RIMS2: variants seen among roughly 807,000 people sequenced by gnomAD.
The protein encoded by RIMS2 is regulating synaptic membrane exocytosis 2.
In RIMS2, 59 loss-of-function variants were observed where a neutral mutation model predicts 174.4. That is an observed-to-expected ratio of 0.34 (90% CI 0.27 to 0.42). RIMS2 has a LOEUF of 0.42. RIMS2 is among the 10% of genes least tolerant of loss of function. RIMS2 has a pLI of 1.00. For missense variants in RIMS2, 1,620 were observed against 1,666.3 expected, an observed-to-expected ratio of 0.97 and a Z score of 0.48; for synonymous variants, 606 against 572.5, an observed-to-expected ratio of 1.06 and a Z score of -0.84.
intron 1 of RIMS2, among the ~76,000 whole-genome samples, chr8:103,596,499 A>G (rs1412206713): frequency 6.6e-6 from 1 of 152,066 alleles, no homozygotes; most frequent in Non-Finnish European, 1.5e-5. Flanking sequence ...ATAAATGTAA[A>G]TATCTCAAAT....
At chr8:104,046,904 C>T (rs1811058011) in intron 19 of RIMS2, among the ~76,000 whole-genome samples, 1 of 148,114 alleles carries the variant, frequency 6.8e-6, no homozygotes, top group Non-Finnish European at 1.5e-5. Flanking sequence ...TTTATATAAG[C>T]TTAAGCTTAA....
At chr8:103,938,608 C>T (rs889815272) in intron 13 of RIMS2, among the ~76,000 whole-genome samples, 1 of 152,140 alleles carries the variant, frequency 6.6e-6, no homozygotes, top group African/African-American at 2.4e-5. Context: ...CAAAACCAAT[C>T]ATGCCTTCCC....
chr8:103,539,120 G>A (rs1352648623), intron 1 of RIMS2, among the ~76,000 whole-genome samples: 7 of 152,196 alleles, frequency 4.6e-5, no homozygotes, highest in Non-Finnish European at 1.5e-5. Context: ...GATCACTTGA[G>A]TACAGAAGTT....
At chr8:103,663,170 C>CAA (rs34790575) in intron 1 of RIMS2, among the ~76,000 whole-genome samples, 1 of 139,504 alleles carries the variant, frequency 7.2e-6, no homozygotes. Context: ...GATTCTGTCT[C>CAA]AAAAAAAAAA....
intron 19 of RIMS2, among the ~76,000 whole-genome samples, chr8:104,180,336 G>A (rs1272219011): frequency 1.3e-5 from 2 of 150,598 alleles, no homozygotes; most frequent in African/African-American, 4.9e-5. Flanking sequence ...TCTTGGCCAT[G>A]CTAGTGTAGT....
At chr8:104,163,241 T>G (rs2098774913) in intron 19 of RIMS2, among the ~76,000 whole-genome samples, 1 of 152,270 alleles carries the variant, frequency 6.6e-6, no homozygotes, top group Non-Finnish European at 1.5e-5. Context: ...GATGAAGTAT[T>G]TTTTTAACTG....
chr8:103,746,714 T>C (rs1442553703), intron 2 of RIMS2, among the ~76,000 whole-genome samples: 1 of 151,988 alleles, frequency 6.6e-6, no homozygotes, highest in Non-Finnish European at 1.5e-5. Flanking sequence ...GGAGTCTTGC[T>C]CTGTCACCCA....
At chr8:103,713,788 A>G (rs1162056122) in intron 2 of RIMS2, among the ~76,000 whole-genome samples, 1 of 152,222 alleles carries the variant, frequency 6.6e-6, no homozygotes, top group Non-Finnish European at 1.5e-5. Context: ...AATGGCATAA[A>G]GAGTCACCGC....
At chr8:104,035,865 T>A (rs1030803972) in intron 19 of RIMS2, among the ~76,000 whole-genome samples, 3 of 151,990 alleles carry the variant, frequency 2.0e-5, no homozygotes, top group Non-Finnish European at 4.4e-5. Flanking sequence ...ATTGAAAAAA[T>A]TTATGTAAGA....
chr8:103,629,635 A>C (rs923832450), intron 1 of RIMS2, among the ~76,000 whole-genome samples: 1 of 152,256 alleles, frequency 6.6e-6, no homozygotes. Context: ...TTCAATTCCA[A>C]TGAAAAAATA....
intron 1 of RIMS2, among the ~76,000 whole-genome samples, chr8:103,669,419 A>G (rs117262793): frequency 0.12 from 18,939 of 152,178 alleles, 1,275 homozygotes; most frequent in Middle Eastern, 0.22. Context: ...AAAACCAATT[A>G]TGCCTTCCCA....
intron 3 of RIMS2, chr8:103,819,637 G>A (rs771660525): frequency 3.2e-6 from 5 of 1,586,478 alleles, no homozygotes; most frequent in Non-Finnish European, 4.3e-6. Context: ...AAGGTGAGTA[G>A]AGCCAAACTA....
chr8:103,634,171 C>A (rs1444542063), intron 1 of RIMS2, among the ~76,000 whole-genome samples: 1 of 151,994 alleles, frequency 6.6e-6, no homozygotes, highest in Non-Finnish European at 1.5e-5. Context: ...TGTGAATTTC[C>A]CTCTTAACAC....
At chr8:104,189,669 GTCTC>G (rs1039253174) in intron 19 of RIMS2, among the ~76,000 whole-genome samples, 1 of 148,500 alleles carries the variant, frequency 6.7e-6, no homozygotes, top group Non-Finnish European at 1.5e-5. Context: ...TGTATATATA[GTCTC>G]TCTATATATA....
At chr8:104,120,103 T>A (rs890961410) in intron 19 of RIMS2, among the ~76,000 whole-genome samples, 1 of 152,176 alleles carries the variant, frequency 6.6e-6, no homozygotes, top group Non-Finnish European at 1.5e-5. Flanking sequence ...GCAAGTATTT[T>A]CATTTCTTCA....
chr8:103,876,849 C>T (rs1179882216), intron 3 of RIMS2, among the ~76,000 whole-genome samples: 3 of 117,404 alleles, frequency 2.6e-5, no homozygotes, highest in Admixed American at 1.9e-4. Context: ...TGTATATATA[C>T]ACACACACAC....
intron 4 of RIMS2, among the ~76,000 whole-genome samples, chr8:103,904,895 T>C (rs978582005): frequency 2.0e-5 from 3 of 152,086 alleles, no homozygotes; most frequent in African/African-American, 7.2e-5. Context: ...CTAGAATGTT[T>C]AAGTGTATTT....
At chr8:103,980,620 C>A (rs1207849185) in intron 16 of RIMS2, among the ~76,000 whole-genome samples, 1 of 152,158 alleles carries the variant, frequency 6.6e-6, no homozygotes, top group Admixed American at 6.5e-5. Context: ...AAAAAGCAGG[C>A]TCATGGAGTC....
intron 19 of RIMS2, 126 bp downstream of exon 21, chr8:104,014,741 T>A (rs564661998): frequency 2.0e-6 from 1 of 491,442 alleles, no homozygotes; most frequent in Non-Finnish European, 3.6e-6. Context: ...CTGTATTTGA[T>A]AATAGTTATA....
Sources: allele counts gnomAD v4.1 joint callset (sites outside exome capture counted in the v4.1 genomes callset), GRCh38; gene constraint gnomAD v4.1.1; transcripts MANE v1.5; gene names NCBI Gene and HGNC (gene_info 2026-07-23, HGNC 2026-07-21).